Variants in ABCC4 observed in about 807,000 individuals in gnomAD.
ABCC4 encodes ATP binding cassette subfamily C member 4 (PEL blood group).
A neutral mutation model predicts 168.5 loss-of-function variants in ABCC4; 102 were observed. The ratio of observed to expected loss-of-function variants is 0.61; its 90% confidence interval spans 0.52 to 0.71. ABCC4 has a LOEUF of 0.71. Ranked by LOEUF, ABCC4 falls within the 30% of genes least tolerant of loss-of-function variation. ABCC4 has a pLI of 0.00. For synonymous variants in ABCC4, 617 were observed against 590.7 expected (o/e 1.04, Z -0.65); for missense variants, 1,402 against 1,605.8 (o/e 0.87, Z 2.17).
At chr13:95,130,558 A>C (rs955512627) in intron 19 of ABCC4, among the ~76,000 whole-genome samples, 1 of 152,226 alleles carries the variant, frequency 6.6e-6, no homozygotes, top group Non-Finnish European at 1.5e-5. Flanking sequence ...TGCAAATATA[A>C]GCAGTTTTAC....
intron 20 of ABCC4, among the ~76,000 whole-genome samples, chr13:95,106,502 T>C (rs2035009917): frequency 6.6e-6 from 1 of 150,602 alleles, no homozygotes; most frequent in Admixed American, 6.6e-5. Context: ...GGGAGTTTTG[T>C]AAACTTCAGT....
chr13:95,025,193 A>ACCC (rs2031356188), intron 30 of ABCC4, among the ~76,000 whole-genome samples: 1 of 99,232 alleles, frequency 1.0e-5, no homozygotes, highest in Non-Finnish European at 2.1e-5. Context: ...ACACACCCAC[A>ACCC]CCACACACCC....
At chr13:95,159,343 A>G (rs555182317) in intron 19 of ABCC4, among the ~76,000 whole-genome samples, 4 of 152,056 alleles carry the variant, frequency 2.6e-5, no homozygotes, top group Admixed American at 2.0e-4. Flanking sequence ...TGGACAAAGT[A>G]GACCTCTCTT....
intron 1 of ABCC4, among the ~76,000 whole-genome samples, chr13:95,276,281 G>A (rs2040967862): frequency 1.3e-5 from 2 of 151,918 alleles, no homozygotes; most frequent in South Asian, 4.2e-4. Flanking sequence ...TAGGCATGGT[G>A]GAACACGCCT....
chr13:95,094,345 G>C (rs1298842059), intron 20 of ABCC4, among the ~76,000 whole-genome samples: 1 of 152,068 alleles, frequency 6.6e-6, no homozygotes. Context: ...CAGACCAATG[G>C]AACAGAATAG....
At position 95,259,973 on chromosome 13, in the gene ABCC4, GTTTCTCAAAGTGT is replaced by G. The variant is rs202054541; in HGVS notation, c.75-12233_75-12221del. Among the ~76,000 whole-genome samples the G allele has an allele frequency of 7.5e-3, 1,146 of 152,248 alleles. 25 individuals carry two copies. The East Asian group carries it at 0.086, about 11-fold the overall frequency. On this transcript the variant is annotated intron_variant, in intron 1 of 30. Coordinates refer to ENST00000645237, the MANE Select transcript of ABCC4 (RefSeq NM_005845.5). ...CGAGACTCATCTTCTGTACAGCAGA[GTTTCTCAAAGTGT>G]GATCTCTGGACCAGCAGCACCAGAA...
intron 20 of ABCC4, among the ~76,000 whole-genome samples, chr13:95,111,023 TCAAG>T (rs2035188408): frequency 6.8e-6 from 1 of 148,066 alleles, no homozygotes; most frequent in South Asian, 2.2e-4. Context: ...AAGGAAGTAA[TCAAG>T]CACTTTAAAA....
At chr13:95,152,391 T>C (rs1424065700) in intron 19 of ABCC4, among the ~76,000 whole-genome samples, 1 of 152,202 alleles carries the variant, frequency 6.6e-6, no homozygotes, top group African/African-American at 2.4e-5. Context: ...CTATTTCTTG[T>C]TCTGTCCAGC....
intron 26 of ABCC4, among the ~76,000 whole-genome samples, chr13:95,062,486 TCA>T (rs1490489305): frequency 1.4e-5 from 2 of 144,990 alleles, no homozygotes; most frequent in East Asian, 4.1e-4. Context: ...TTATTAAATA[TCA>T]CACACACACA....
intron 19 of ABCC4, among the ~76,000 whole-genome samples, chr13:95,128,060 C>A (rs2035844525): frequency 6.6e-6 from 1 of 152,190 alleles, no homozygotes; most frequent in Admixed American, 6.5e-5. Context: ...GAGCTTTGGG[C>A]AGCCACAGAA....
intron 30 of ABCC4, among the ~76,000 whole-genome samples, chr13:95,030,171 C>T (rs1458697427): frequency 5.3e-5 from 8 of 152,290 alleles, no homozygotes; most frequent in African/African-American, 9.6e-5. Flanking sequence ...CAAGCATGCG[C>T]CACCATGCCT....
chr13:95,152,166 G>A (rs774254660), intron 19 of ABCC4, among the ~76,000 whole-genome samples: 2 of 152,114 alleles, frequency 1.3e-5, no homozygotes, highest in Non-Finnish European at 2.9e-5. Flanking sequence ...ACCAATGTAC[G>A]GTTTTTCTCT....
At chr13:95,058,729 A>C (rs1398491791) in intron 26 of ABCC4, among the ~76,000 whole-genome samples, 1 of 152,152 alleles carries the variant, frequency 6.6e-6, no homozygotes, top group African/African-American at 2.4e-5. Flanking sequence ...TTAGCTGTTC[A>C]TCTCCAGGTA....
chr13:95,169,638 C>T lies in ABCC4; in HGVS notation c.1824+894G>A, dbSNP rs138408794. On this transcript the variant is annotated intron_variant, in intron 14 of 30. Coordinates refer to ENST00000645237, the MANE Select transcript of ABCC4 (RefSeq NM_005845.5). ...ACCTCAAGTCCCAGCGAGGCAACCC[C>T]ACCCCTCCATTTCCTTCCTTGCATC... 4.6e-5 allele frequency among the ~76,000 whole-genome samples: 7 copies of T among 152,266 alleles called. No individual in the cohort carries two copies. The East Asian group carries it at 1.2e-3, about 25-fold the overall frequency.
chr13:95,192,033 CTG>C (rs1254442517), intron 9 of ABCC4, among the ~76,000 whole-genome samples: 1 of 152,234 alleles, frequency 6.6e-6, no homozygotes, highest in African/African-American at 2.4e-5. Context: ...AGCCCCCACT[CTG>C]TGGGCCCTGG....
rs10508023 is a variant in ABCC4 at position 95,143,209 on chromosome 13, C to A, written c.2455+17980G>T. On this transcript the variant is annotated intron_variant, in intron 19 of 30. Coordinates refer to ENST00000645237, the MANE Select transcript of ABCC4 (RefSeq NM_005845.5). Reference sequence around the variant, plus strand: ...AGAATTCACCAATCTTTCGATTTCCCACATTTTTTCAGGCCTAGAGAACAG... The same window carrying A: ...AGAATTCACCAATCTTTCGATTTCCAACATTTTTTCAGGCCTAGAGAACAG... 1.2e-3 allele frequency among the ~76,000 whole-genome samples: 178 copies of A among 151,846 alleles called. 1 individual carries two copies. The highest frequency in any genetic ancestry group is 4.1e-3 in the African/African-American group (169 of 41,378).
intron 21 of ABCC4, among the ~76,000 whole-genome samples, chr13:95,082,879 G>A (rs1379996781): frequency 6.6e-6 from 1 of 152,280 alleles, no homozygotes; most frequent in East Asian, 1.9e-4. Context: ...TGTCTTCACA[G>A]TGCTGACATT....
intron 1 of ABCC4, among the ~76,000 whole-genome samples, chr13:95,283,423 G>A (rs2041180998): frequency 7.2e-6 from 1 of 138,024 alleles, no homozygotes; most frequent in African/African-American, 2.7e-5. Context: ...AGGCTGGAGT[G>A]CAGTGGTGCA....
chr13:95,243,903 A>G (rs2040012795), intron 3 of ABCC4, among the ~76,000 whole-genome samples: 1 of 151,288 alleles, frequency 6.6e-6, no homozygotes, highest in Non-Finnish European at 1.5e-5. Flanking sequence ...AACATAAAAA[A>G]AAAAAAAGAG....
Sources: allele counts gnomAD v4.1 joint callset (sites outside exome capture counted in the v4.1 genomes callset), GRCh38; gene constraint gnomAD v4.1.1; transcripts MANE v1.5; gene names NCBI Gene and HGNC (gene_info 2026-07-23, HGNC 2026-07-21).